Variants in RBM19 observed in about 807,000 individuals in gnomAD.
The protein encoded by RBM19 is probable RNA-binding protein 19.
Under a neutral mutation model 116.8 loss-of-function variants are expected in RBM19, and 94 were observed. The observed-to-expected ratio is 0.80, with a 90% CI of 0.68 to 0.95. RBM19 has a LOEUF of 0.95. Ranked by LOEUF, RBM19 falls within the 40% of genes least tolerant of loss-of-function variation. RBM19 has a pLI of 0.00. For synonymous variants in RBM19, 475 were observed against 494.1 expected, an observed-to-expected ratio of 0.96 and a Z score of 0.51; for missense variants, 1,161 against 1,220.7, an observed-to-expected ratio of 0.95 and a Z score of 0.73.
intron 7 of RBM19, 110 bp from the exon 8 acceptor site, chr12:113,952,700 CT>C: frequency 1.2e-6 from 1 of 866,302 alleles, no homozygotes; most frequent in South Asian, 1.6e-5. Flanking sequence ...GTGTTTCATT[CT>C]TTAGTTTTTC....
chr12:113,948,478 C>T (rs1871223891), intron 10 of RBM19, among the ~76,000 whole-genome samples: 2 of 152,196 alleles, frequency 1.3e-5, no homozygotes, highest in South Asian at 4.1e-4. Context: ...GAAACCTGTA[C>T]AGTTACTCAA....
At chr12:113,892,402 G>T (rs926584396) in intron 21 of RBM19, among the ~76,000 whole-genome samples, 1 of 152,176 alleles carries the variant, frequency 6.6e-6, no homozygotes, top group African/African-American at 2.4e-5. Context: ...TGCCCAGTGG[G>T]GACTGGGGTG....
intron 15 of RBM19, 87 bp from the exon 16 acceptor site, chr12:113,937,223 A>G (rs1870152183): frequency 5.4e-6 from 8 of 1,488,248 alleles, no homozygotes; most frequent in South Asian, 2.6e-5. Context: ...TCACAGCCCA[A>G]GGGTCACAGA....
chr12:113,954,228 G>A lies in RBM19; in HGVS notation c.921+903C>T, dbSNP rs539120274. Among the ~76,000 whole-genome samples, 98 of 152,296 alleles carry A rather than the reference G, an allele frequency of 6.4e-4. No homozygotes were observed. The South Asian group carries it at 7.3e-3, about 11-fold the overall frequency. Reference sequence around the variant, plus strand: ...CAAAGACAAAAACGTCCAAGAAGAGGCTTCAGTGAGCTATGATGGCAGCAC... The same window carrying A: ...CAAAGACAAAAACGTCCAAGAAGAGACTTCAGTGAGCTATGATGGCAGCAC... On this transcript the variant is annotated intron_variant, in intron 7 of 23. Coordinates refer to ENST00000261741, the MANE Select transcript of RBM19 (RefSeq NM_016196.4).
At chr12:113,839,795 G>T (rs1381304487) in intron 23 of RBM19, among the ~76,000 whole-genome samples, 2 of 152,222 alleles carry the variant, frequency 1.3e-5, no homozygotes, top group African/African-American at 4.8e-5. Context: ...TCACAGGGAG[G>T]AACGACTTGC....
chr12:113,846,769 G>A (rs1877015556), intron 22 of RBM19, among the ~76,000 whole-genome samples: 6 of 152,230 alleles, frequency 3.9e-5, no homozygotes, highest in Admixed American at 3.9e-4. Flanking sequence ...CTAGAGTGCA[G>A]TGGTGTGATC....
chr12:113,874,004 T>C (rs921117655), intron 21 of RBM19, among the ~76,000 whole-genome samples: 2 of 152,220 alleles, frequency 1.3e-5, no homozygotes, highest in Non-Finnish European at 2.9e-5. Context: ...CCCTGCTAAA[T>C]GGAAACAGAG....
intron 21 of RBM19, among the ~76,000 whole-genome samples, chr12:113,865,160 C>G (rs1488672545): frequency 6.6e-6 from 1 of 152,242 alleles, no homozygotes; most frequent in African/African-American, 2.4e-5. Context: ...CCTGCACCCC[C>G]TCATTTACTA....
chr12:113,832,920 C>G (rs1006154921), intron 23 of RBM19, among the ~76,000 whole-genome samples: 2 of 152,064 alleles, frequency 1.3e-5, no homozygotes, highest in Non-Finnish European at 2.9e-5. Flanking sequence ...GGTCTCCAGT[C>G]TTTTGAAAAT....
intron 16 of RBM19, among the ~76,000 whole-genome samples, chr12:113,933,349 T>TGGGGGG (rs1869781028): frequency 2.8e-5 from 1 of 35,576 alleles, no homozygotes; most frequent in Non-Finnish European, 5.7e-5. Context: ...GCAAAGAGGG[T>TGGGGGG]GGGGGTGGGG....
intron 21 of RBM19, among the ~76,000 whole-genome samples, chr12:113,902,671 T>C (rs1881777926): frequency 6.6e-6 from 1 of 152,206 alleles, no homozygotes; most frequent in Admixed American, 6.5e-5. Context: ...GGATTATTTT[T>C]TTCTATTTAG....
rs893952657 is a variant in RBM19 at position 113,879,446 on chromosome 12, T to TATATATATAC, written c.2559-20551_2559-20550insGTATATATAT. The stretch of plus-strand genomic sequence containing the variant: ...TACATACATTTTATATATATATATA[T>TATATATATAC]ATATGGACTTTTCTTTTTTTAAGGG... On this transcript the variant is annotated intron_variant, in intron 21 of 23. Transcript: ENST00000261741. Among the ~76,000 whole-genome samples, 6 of 142,328 alleles carry TATATATATAC rather than the reference T, an allele frequency of 4.2e-5. 1 individual carries two copies. The highest frequency in any genetic ancestry group is 9.2e-5 in the Non-Finnish European group (6 of 64,990). 93.4% of individuals were successfully genotyped at this position (142,328 alleles called of 152,430 possible).
intron 1 of RBM19, among the ~76,000 whole-genome samples, chr12:113,962,744 T>C (rs1307721983): frequency 3.3e-5 from 5 of 152,208 alleles, no homozygotes; most frequent in African/African-American, 1.2e-4. Context: ...ACCTAATAAA[T>C]ACTTGTAGGA....
intron 21 of RBM19, among the ~76,000 whole-genome samples, chr12:113,874,862 G>C (rs2135776441): frequency 6.6e-6 from 1 of 152,372 alleles, no homozygotes; most frequent in South Asian, 2.1e-4. Flanking sequence ...CTACACAACG[G>C]CTGAAAAGAG....
downstream of RBM19, among the ~76,000 whole-genome samples, chr12:113,819,065 C>T (rs977789606): frequency 1.3e-5 from 2 of 152,248 alleles, no homozygotes; most frequent in African/African-American, 4.8e-5. Flanking sequence ...AAACTGAACA[C>T]AAGCCTCTTG....
At chr12:113,860,803 C>T (rs1311974615) in intron 21 of RBM19, among the ~76,000 whole-genome samples, 4 of 152,178 alleles carry the variant, frequency 2.6e-5, no homozygotes, top group African/African-American at 7.2e-5. Flanking sequence ...GGGCTCAGCT[C>T]CGCAAGAGTC....
At chr12:113,882,110 C>T (rs1023466988) in intron 21 of RBM19, among the ~76,000 whole-genome samples, 1 of 152,256 alleles carries the variant, frequency 6.6e-6, no homozygotes. Context: ...GTGCTCTCCC[C>T]TCTAAGGGGA....
rs553181535 is a variant in RBM19 at position 113,952,729 on chromosome 12, C to T, written c.922-139G>A. On this transcript the variant is annotated intron_variant, in intron 7 of 23. Transcript: ENST00000261741. ...AGTTTTTCTCTTTCCTTATACGTATCGCTTCTCCAATTACCTTGGAGAAAA... is the reference window on the plus strand; with the variant it reads ...AGTTTTTCTCTTTCCTTATACGTATTGCTTCTCCAATTACCTTGGAGAAAA... 272 of 612,902 alleles carry T rather than the reference C, an allele frequency of 4.4e-4. 4 individuals are homozygous for T. The South Asian group carries it at 5.8e-3, about 13-fold the overall frequency. 38.0% of individuals were successfully genotyped at this position (612,902 alleles called of 1,614,324 possible).
intron 18 of RBM19, among the ~76,000 whole-genome samples, chr12:113,920,917 A>C (rs1459450023): frequency 1.3e-5 from 2 of 152,192 alleles, no homozygotes; most frequent in African/African-American, 2.4e-5. Flanking sequence ...TTTGACTATT[A>C]ATTAACAGAT....
Sources: allele counts gnomAD v4.1 joint callset (sites outside exome capture counted in the v4.1 genomes callset), GRCh38; gene constraint gnomAD v4.1.1; transcripts MANE v1.5; gene names NCBI Gene and HGNC (gene_info 2026-07-23, HGNC 2026-07-21).